The following KIAA1328 variants were observed in gnomAD, a reference collection of about 807,000 sequenced individuals.
KIAA1328 encodes the protein KIAA1328, also known as protein hinderin.
In KIAA1328, 52 loss-of-function variants were observed where a neutral mutation model predicts 68.1. That is an observed-to-expected ratio of 0.76 (90% CI 0.61 to 0.96). The LOEUF is 0.96. Ranked by LOEUF, KIAA1328 falls within the 40% of genes least tolerant of loss-of-function variation. KIAA1328 has a pLI of 0.00. For missense variants in KIAA1328, 641 were observed against 677.6 expected, an observed-to-expected ratio of 0.95 and a Z score of 0.60; for synonymous variants, 232 against 239.4, an observed-to-expected ratio of 0.97 and a Z score of 0.28.
At chr18:37,057,226 A>G (rs981945149) in intron 6 of KIAA1328, among the ~76,000 whole-genome samples, 17 of 152,232 alleles carry the variant, frequency 1.1e-4, no homozygotes, top group Non-Finnish European at 2.5e-4. Flanking sequence ...GGATTCTTCA[A>G]TTGAAAGAAT....
At chr18:36,903,457 C>A (rs72887048) in intron 5 of KIAA1328, among the ~76,000 whole-genome samples, 20,686 of 151,948 alleles carry the variant, frequency 0.14, 1,758 homozygotes, top group Admixed American at 0.18. Flanking sequence ...TGGGGAAGGG[C>A]AGAAGGACTG....
At chr18:37,047,837 C>A (rs1455761897) in intron 6 of KIAA1328, among the ~76,000 whole-genome samples, 2 of 152,158 alleles carry the variant, frequency 1.3e-5, no homozygotes, top group African/African-American at 4.8e-5. Flanking sequence ...TGGCACCTAG[C>A]ACAGTATCCG....
At chr18:37,026,960 A>T (rs1027875037) in intron 6 of KIAA1328, among the ~76,000 whole-genome samples, 14 of 152,198 alleles carry the variant, frequency 9.2e-5, no homozygotes, top group African/African-American at 3.4e-4. Flanking sequence ...ACATGATTGT[A>T]TATCTAGAAA....
At chr18:37,231,883 G>A (rs967815582), downstream of KIAA1328, 1 of 152,250 alleles carries the variant, frequency 6.6e-6, no homozygotes, top group Admixed American at 6.5e-5. Context: ...CTGAGATGAG[G>A]GAGCTGGAGG....
chr18:37,222,627 A>C lies in KIAA1328; in HGVS notation c.*400A>C. 1 of 1,035,092 alleles carries C rather than the reference A, an allele frequency of 9.7e-7. No homozygotes were observed. Among genetic ancestry groups the C allele is most frequent in the Non-Finnish European group, 1.2e-6 (1 of 861,056 alleles). 64.1% of individuals were successfully genotyped at this position (1,035,092 alleles called of 1,614,324 possible). A position where few individuals can be genotyped will look rare whatever the true frequency, so the allele number is the denominator to read the frequency against. ...TCCACTGAAAAATCCCTCTGATTTAAAAGTAACCCCTTTGAAACATAAGCA... is the reference window on the plus strand; with the variant it reads ...TCCACTGAAAAATCCCTCTGATTTACAAGTAACCCCTTTGAAACATAAGCA... On this transcript the variant is annotated 3_prime_UTR_variant, in exon 10 of 10. Coordinates refer to ENST00000280020, the MANE Select transcript of KIAA1328 (RefSeq NM_020776.3).
intron 9 of KIAA1328, among the ~76,000 whole-genome samples, chr18:37,214,768 C>A (rs2060393178): frequency 6.6e-6 from 1 of 152,136 alleles, no homozygotes; most frequent in Non-Finnish European, 1.5e-5. Flanking sequence ...AATATTGATT[C>A]TTCCTATCCA....
chr18:37,093,157 TATAAAAGTGAACCC>T, intron 7 of KIAA1328, among the ~76,000 whole-genome samples: 1 of 152,292 alleles, frequency 6.6e-6, no homozygotes, highest in South Asian at 2.1e-4. Flanking sequence ...ACCCTTTTCT[TATAAAAGTGAACCC>T]ATAAAATTGG....
At chr18:36,943,545 G>A (rs960095143) in intron 5 of KIAA1328, among the ~76,000 whole-genome samples, 2 of 152,166 alleles carry the variant, frequency 1.3e-5, no homozygotes, top group African/African-American at 4.8e-5. Context: ...GATCATATCA[G>A]TGTTTTTAAC....
At chr18:36,889,255 T>C (rs908293332) in intron 5 of KIAA1328, among the ~76,000 whole-genome samples, 1 of 152,180 alleles carries the variant, frequency 6.6e-6, no homozygotes, top group African/African-American at 2.4e-5. Context: ...GGTTTTTGCT[T>C]GGCTGGATGA....
rs547934955 is a variant in KIAA1328, at chr18:37,027,449, G to A, written c.577-39441G>A. Among the ~76,000 whole-genome samples the A allele has an allele frequency of 9.2e-5, 14 of 152,266 alleles. 1 individual carries two copies. The highest frequency in any genetic ancestry group is 5.2e-4 in the Admixed American group (8 of 15,298). ...AAAAGAACAAAGCTGGAAGCATCAC[G>A]CTACCTGACTTCAAACTATGCTACA... On this transcript the variant is annotated intron_variant, in intron 6 of 9. Transcript: ENST00000280020.
chr18:37,037,207 T>C (rs2055060638), intron 6 of KIAA1328, among the ~76,000 whole-genome samples: 1 of 152,000 alleles, frequency 6.6e-6, no homozygotes. Flanking sequence ...ACTTTTCAGC[T>C]AATCGACTCT....
intron 6 of KIAA1328, among the ~76,000 whole-genome samples, chr18:37,025,578 A>C (rs1014110660): frequency 6.6e-6 from 1 of 152,136 alleles, no homozygotes; most frequent in Non-Finnish European, 1.5e-5. Flanking sequence ...CTCACTCAAA[A>C]CCGCTCAACT....
At chr18:36,997,099 A>G (rs1215066530) in intron 6 of KIAA1328, among the ~76,000 whole-genome samples, 1 of 151,794 alleles carries the variant, frequency 6.6e-6, no homozygotes, top group Non-Finnish European at 1.5e-5. Context: ...ACTCCTCTCC[A>G]TCCCCACCTG....
intron 5 of KIAA1328, among the ~76,000 whole-genome samples, chr18:36,939,272 T>TG (rs2050619069): frequency 6.6e-6 from 1 of 152,180 alleles, no homozygotes; most frequent in African/African-American, 2.4e-5. Context: ...TTCCTCAATG[T>TG]TTTATAATTT....
chr18:37,028,059 C>A (rs999070219), intron 6 of KIAA1328, among the ~76,000 whole-genome samples: 3 of 152,146 alleles, frequency 2.0e-5, no homozygotes, highest in Admixed American at 1.3e-4. Flanking sequence ...TATGAACAGA[C>A]ACTTCTCAAA....
chr18:37,170,301 C>T (rs2059475736), intron 8 of KIAA1328, among the ~76,000 whole-genome samples: 1 of 152,086 alleles, frequency 6.6e-6, no homozygotes, highest in African/African-American at 2.4e-5. Context: ...ATTCAAAATC[C>T]AGCTTTGCTC....
chr18:36,976,468 T>C (rs145393935), intron 6 of KIAA1328, among the ~76,000 whole-genome samples: 45 of 152,288 alleles, frequency 3.0e-4, no homozygotes, highest in African/African-American at 1.0e-3. Flanking sequence ...TCCTGCTTTT[T>C]ACAGGTTACA....
At chr18:37,157,263 G>C (rs1001811742) in intron 7 of KIAA1328, among the ~76,000 whole-genome samples, 3 of 151,964 alleles carry the variant, frequency 2.0e-5, no homozygotes, top group African/African-American at 7.2e-5. Context: ...AGAGTTTTTT[G>C]TTTGTTTTTA....
intron 6 of KIAA1328, among the ~76,000 whole-genome samples, chr18:37,048,208 T>C (rs1247285982): frequency 6.6e-6 from 1 of 152,248 alleles, no homozygotes; most frequent in Non-Finnish European, 1.5e-5. Flanking sequence ...AGACTGTATT[T>C]GTTTGGTAGT....
Sources: allele counts gnomAD v4.1 joint callset (sites outside exome capture counted in the v4.1 genomes callset), GRCh38; gene constraint gnomAD v4.1.1; transcripts MANE v1.5; gene names NCBI Gene and HGNC (gene_info 2026-07-23, HGNC 2026-07-21).